Variants in NCAM1 observed in about 807,000 individuals in gnomAD.
The protein encoded by NCAM1 is neural cell adhesion molecule 1, also known as antigen recognized by monoclonal antibody 5.1H11.
In NCAM1, 14 loss-of-function variants were observed where a neutral mutation model predicts 109.8. The observed-to-expected ratio is 0.13, with a 90% CI of 0.08 to 0.20. The LOEUF is 0.20. Among genes scored for constraint, NCAM1 ranks in the 10% least tolerant of loss-of-function variants. NCAM1 has a pLI of 1.00. For missense variants in NCAM1, 774 were observed against 1,109.9 expected, an observed-to-expected ratio of 0.70 and a Z score of 4.30; for synonymous variants, 418 against 442.9, an observed-to-expected ratio of 0.94 and a Z score of 0.70.
chr11:113,231,606 TG>T, intron 9 of NCAM1, 38 bp from the exon 10 acceptor site: 2 of 1,603,390 alleles, frequency 1.2e-6, no homozygotes, highest in Non-Finnish European at 8.5e-7. Flanking sequence ...CACCCTGCCT[TG>T]GGCTCTGACA....
At chr11:113,202,564 T>G (rs1292381099) in intron 2 of NCAM1, 111 bp downstream of exon 2, 15 of 920,342 alleles carry the variant, frequency 1.6e-5, no homozygotes, top group African/African-American at 1.7e-5. Context: ...CCTAGAATTC[T>G]TGGCATTGCT....
intron 17 of NCAM1, chr11:113,262,797 T>C: frequency 6.2e-7 from 1 of 1,602,486 alleles, no homozygotes. Context: ...CCACATTTGT[T>C]TTTAAACAAC....
chr11:113,080,742 C>T lies in NCAM1; in HGVS notation c.52+119078C>T, dbSNP rs531847474. 6.6e-5 allele frequency among the ~76,000 whole-genome samples: 10 copies of T among 152,298 alleles called. No homozygotes were observed. The East Asian group carries it at 1.5e-3, about 24-fold the overall frequency. On this transcript the variant is annotated intron_variant, in intron 1 of 19. Transcript: ENST00000316851. ...ATTGGATCGTACACATGGAGCCATA[C>T]ATAGAGTCACATTAGTGGTGGTTTT...
At chr11:113,090,992 T>C (rs1939318404) in intron 1 of NCAM1, among the ~76,000 whole-genome samples, 1 of 152,132 alleles carries the variant, frequency 6.6e-6, no homozygotes, top group Non-Finnish European at 1.5e-5. Context: ...TGCTATAGTA[T>C]GTTAGAAAGT....
intron 17 of NCAM1, among the ~76,000 whole-genome samples, chr11:113,267,643 T>A (rs1415701627): frequency 2.0e-5 from 3 of 152,142 alleles, no homozygotes; most frequent in African/African-American, 7.2e-5. Flanking sequence ...CTGCAGCAGA[T>A]GGTGGGCCTT....
intron 14 of NCAM1, among the ~76,000 whole-genome samples, chr11:113,235,549 G>A (rs1393792085): frequency 3.3e-5 from 5 of 152,172 alleles, no homozygotes; most frequent in Non-Finnish European, 7.3e-5. Context: ...GCAGGAAGAG[G>A]GTAAAGATGG....
chr11:113,103,699 G>GT (rs1216115839), intron 1 of NCAM1, among the ~76,000 whole-genome samples: 2 of 152,086 alleles, frequency 1.3e-5, no homozygotes, highest in African/African-American at 4.8e-5. Flanking sequence ...GGTCCCCAAA[G>GT]TTTATCTGTG....
intron 1 of NCAM1, among the ~76,000 whole-genome samples, chr11:113,129,205 G>A (rs1941299879): frequency 6.6e-6 from 1 of 151,568 alleles, no homozygotes; most frequent in African/African-American, 2.4e-5. Context: ...TTTCACATGG[G>A]GCCTCTCATT....
At chr11:113,119,899 T>A (rs2136023544) in intron 1 of NCAM1, among the ~76,000 whole-genome samples, 1 of 152,338 alleles carries the variant, frequency 6.6e-6, no homozygotes, top group East Asian at 1.9e-4. Flanking sequence ...TTACCAGGGC[T>A]AGTTTATTAT....
chr11:113,062,858 C>T (rs922215035), intron 1 of NCAM1, among the ~76,000 whole-genome samples: 3 of 151,952 alleles, frequency 2.0e-5, no homozygotes, highest in Non-Finnish European at 2.9e-5. Context: ...TTCCTAACTA[C>T]TTGGGAGGCT....
chr11:113,048,724 A>G (rs993607738), intron 1 of NCAM1, among the ~76,000 whole-genome samples: 5 of 152,190 alleles, frequency 3.3e-5, no homozygotes. Flanking sequence ...CCTGGCTTTG[A>G]CACATACCAG....
intron 1 of NCAM1, among the ~76,000 whole-genome samples, chr11:113,160,804 A>C (rs1555104245): frequency 2.6e-5 from 4 of 152,166 alleles, no homozygotes; most frequent in Non-Finnish European, 4.4e-5. Flanking sequence ...GGAATTCACC[A>C]CAGATTGTAC....
intron 1 of NCAM1, among the ~76,000 whole-genome samples, chr11:112,984,580 A>G (rs1951244723): frequency 6.6e-6 from 1 of 151,968 alleles, no homozygotes; most frequent in South Asian, 2.1e-4. Context: ...CTTTTTGACA[A>G]AAGCCATCCT....
chr11:113,182,355 C>T (rs1032714145), intron 1 of NCAM1, among the ~76,000 whole-genome samples: 21 of 152,264 alleles, frequency 1.4e-4, no homozygotes, highest in South Asian at 2.1e-4. Context: ...AGGTGTGGAG[C>T]GTGGATCTGT....
chr11:113,050,180 G>GA (rs1201363850), intron 1 of NCAM1, among the ~76,000 whole-genome samples: 1 of 151,578 alleles, frequency 6.6e-6, no homozygotes, highest in African/African-American at 2.4e-5. Context: ...AATGACTGAG[G>GA]AAAAAAAGAG....
chr11:113,168,388 G>A (rs1942879743), intron 1 of NCAM1, among the ~76,000 whole-genome samples: 1 of 152,184 alleles, frequency 6.6e-6, no homozygotes, highest in Non-Finnish European at 1.5e-5. Flanking sequence ...GGAGATGCTA[G>A]ATGGTCGATG....
At chr11:113,227,692 T>C (rs1944891894) in intron 9 of NCAM1, among the ~76,000 whole-genome samples, 2 of 152,212 alleles carry the variant, frequency 1.3e-5, no homozygotes, top group Non-Finnish European at 2.9e-5. Flanking sequence ...AATAAAATAC[T>C]GGCAAACCGA....
rs188451509 is a variant in NCAM1, at chr11:112,999,750, G to C, written c.52+38086G>C. ...TTCGAGCCATGTTTCCCCTGAGACA[G>C]TGTGCCTGTTACAACAGCTGTGTCA... On this transcript the variant is annotated intron_variant, in intron 1 of 19. Coordinates refer to ENST00000316851, the MANE Select transcript of NCAM1 (RefSeq NM_181351.5). Among the ~76,000 whole-genome samples, 11 of 152,290 alleles carry C rather than the reference G, an allele frequency of 7.2e-5. No individual in the cohort carries two copies. In the East Asian group the frequency reaches 1.5e-3, roughly 21 times the overall value.
At chr11:113,271,972 C>A (rs1946292117) in intron 19 of NCAM1, 96 bp downstream of exon 19, 2 of 867,322 alleles carry the variant, frequency 2.3e-6, no homozygotes, top group East Asian at 2.8e-5. Flanking sequence ...ACCCACAGCT[C>A]CCGGCCAAAC....
Sources: allele counts gnomAD v4.1 joint callset (sites outside exome capture counted in the v4.1 genomes callset), GRCh38; gene constraint gnomAD v4.1.1; transcripts MANE v1.5; gene names NCBI Gene and HGNC (gene_info 2026-07-23, HGNC 2026-07-21).